SLC8A1: variants seen among roughly 807,000 people sequenced by gnomAD.
The protein encoded by SLC8A1 is solute carrier family 8 member A1.
In SLC8A1, 18 loss-of-function variants were observed where a neutral mutation model predicts 68.3. The ratio of observed to expected loss-of-function variants is 0.26; its 90% confidence interval spans 0.18 to 0.39. SLC8A1 has a LOEUF of 0.39. Ranked by LOEUF, SLC8A1 falls within the 10% of genes least tolerant of loss-of-function variation. The pLI is 1.00. For synonymous variants in SLC8A1, 475 were observed against 415.5 expected, an observed-to-expected ratio of 1.14 and a Z score of -1.74; for missense variants, 985 against 1,156.7, an observed-to-expected ratio of 0.85 and a Z score of 2.15.
chr2:40,197,738 A>G (rs900626583), intron 2 of SLC8A1, among the ~76,000 whole-genome samples: 4 of 151,762 alleles, frequency 2.6e-5, no homozygotes, highest in Non-Finnish European at 5.9e-5. Context: ...TTCCTGTTGA[A>G]ATTTTCCCCA....
chr2:40,406,401 A>G (rs1186280400), intron 2 of SLC8A1, among the ~76,000 whole-genome samples: 12 of 152,314 alleles, frequency 7.9e-5, no homozygotes, highest in Admixed American at 6.5e-4. Context: ...TTAAATATAT[A>G]ATAAACATGA....
intron 7 of SLC8A1, among the ~76,000 whole-genome samples, chr2:40,125,367 C>T (rs1029787557): frequency 2.0e-5 from 3 of 152,018 alleles, no homozygotes; most frequent in Non-Finnish European, 2.9e-5. Context: ...CCCGAGGGTG[C>T]CTAGGACAGT....
At chr2:40,400,434 G>C (rs1688366781) in intron 2 of SLC8A1, among the ~76,000 whole-genome samples, 1 of 152,186 alleles carries the variant, frequency 6.6e-6, no homozygotes, top group African/African-American at 2.4e-5. Flanking sequence ...GGAACTAGAA[G>C]CTGTGTAGTC....
intron 2 of SLC8A1, among the ~76,000 whole-genome samples, chr2:40,423,459 G>A (rs2149757383): frequency 1.3e-5 from 2 of 152,012 alleles, no homozygotes; most frequent in East Asian, 3.9e-4. Context: ...CCACAAATCT[G>A]TAGCTTATTA....
upstream of SLC8A1, among the ~76,000 whole-genome samples, chr2:40,455,068 G>A (rs1278686120): frequency 6.6e-6 from 1 of 152,132 alleles, no homozygotes; most frequent in African/African-American, 2.4e-5. Context: ...AAAGCAATAC[G>A]ACACAACCAT....
At chr2:40,244,485 A>G (rs1174753610) in intron 2 of SLC8A1, among the ~76,000 whole-genome samples, 1 of 147,390 alleles carries the variant, frequency 6.8e-6, no homozygotes, top group African/African-American at 2.5e-5. Context: ...TTTCCACCTC[A>G]TGTTTTTCCC....
At chr2:40,099,161 G>A (rs914841044) in exon 8 of SLC8A1, 1 of 152,032 alleles carries the variant, frequency 6.6e-6, no homozygotes, top group East Asian at 1.9e-4. Flanking sequence ...TCAGCAAAGA[G>A]AGTATGTATA....
intron 1 of SLC8A1, among the ~76,000 whole-genome samples, chr2:40,444,633 C>T (rs1314136808): frequency 6.6e-6 from 1 of 152,140 alleles, no homozygotes; most frequent in Non-Finnish European, 1.5e-5. Context: ...CAACCTCCTA[C>T]CTGTTCTCGT....
intron 2 of SLC8A1, among the ~76,000 whole-genome samples, chr2:40,225,353 A>T (rs1229222268): frequency 6.6e-6 from 1 of 152,162 alleles, no homozygotes; most frequent in Non-Finnish European, 1.5e-5. Flanking sequence ...AAGTATACAT[A>T]AGGTATTTAA....
intron 2 of SLC8A1, among the ~76,000 whole-genome samples, chr2:40,225,433 T>C (rs945944738): frequency 6.6e-6 from 1 of 152,194 alleles, no homozygotes; most frequent in Non-Finnish European, 1.5e-5. Flanking sequence ...TGGCTACTAA[T>C]AGTTTTCTCT....
At chr2:40,202,221 A>G (rs755787878) in intron 2 of SLC8A1, among the ~76,000 whole-genome samples, 42 of 151,924 alleles carry the variant, frequency 2.8e-4, no homozygotes, top group Non-Finnish European at 6.0e-4. Context: ...TCTATGAACA[A>G]TTTTTTATGC....
intron 2 of SLC8A1, among the ~76,000 whole-genome samples, chr2:40,326,933 T>C (rs891158413): frequency 1.3e-5 from 2 of 152,174 alleles, no homozygotes; most frequent in African/African-American, 4.8e-5. Flanking sequence ...TAGTAGAAAT[T>C]GCTAATGGTC....
intron 1 of SLC8A1, among the ~76,000 whole-genome samples, chr2:40,431,358 A>T (rs1270688234): frequency 6.6e-6 from 1 of 152,046 alleles, no homozygotes; most frequent in East Asian, 1.9e-4. Flanking sequence ...AAATTAGCTC[A>T]TGTGGCATGA....
intron 2 of SLC8A1, among the ~76,000 whole-genome samples, chr2:40,426,849 A>G (rs1359582505): frequency 2.0e-5 from 3 of 152,092 alleles, no homozygotes; most frequent in South Asian, 4.1e-4. Context: ...AAACATAATC[A>G]TTAGGGAAAA....
chr2:40,511,357 T>C (rs17026106), intron 1 of SLC8A1, among the ~76,000 whole-genome samples: 14,717 of 152,242 alleles, frequency 0.097, 1,266 homozygotes, highest in East Asian at 0.43. Flanking sequence ...TCTTGACTTT[T>C]GTGTTTGGCA....
chr2:40,154,913 C>G (rs1191637951), intron 6 of SLC8A1, among the ~76,000 whole-genome samples: 1 of 152,106 alleles, frequency 6.6e-6, no homozygotes. Context: ...GAGAAACTTT[C>G]TTAGGACAGT....
intron 1 of SLC8A1, among the ~76,000 whole-genome samples, chr2:40,483,484 C>G (rs962452742): frequency 1.3e-5 from 2 of 152,158 alleles, no homozygotes; most frequent in East Asian, 3.9e-4. Context: ...AAAGCACAAT[C>G]CTAACCTCCG....
At chr2:40,232,394 A>G (rs114607784) in intron 2 of SLC8A1, among the ~76,000 whole-genome samples, 4 of 146,546 alleles carry the variant, frequency 2.7e-5, no homozygotes, top group Admixed American at 6.8e-5. Context: ...GGTGCAAGTT[A>G]TTTTTTTTTT....
At chr2:40,437,816 T>C (rs549924866) in intron 1 of SLC8A1, among the ~76,000 whole-genome samples, 1 of 152,256 alleles carries the variant, frequency 6.6e-6, no homozygotes, top group South Asian at 2.1e-4. Flanking sequence ...AAGCTTTTCT[T>C]AGCCACTCAT....
Sources: allele counts gnomAD v4.1 joint callset (sites outside exome capture counted in the v4.1 genomes callset), GRCh38; gene constraint gnomAD v4.1.1; transcripts MANE v1.5; gene names NCBI Gene and HGNC (gene_info 2026-07-23, HGNC 2026-07-21).